The following IWS1 variants were observed in gnomAD, a reference collection of about 807,000 sequenced individuals.
IWS1 encodes the protein protein IWS1 homolog.
In IWS1, 27 loss-of-function variants were observed where a neutral mutation model predicts 86.7. The observed-to-expected ratio is 0.31, with a 90% CI of 0.23 to 0.43. IWS1 has a LOEUF of 0.43. Among genes scored for constraint, IWS1 ranks in the 20% least tolerant of loss-of-function variants. The probability of loss-of-function intolerance (pLI) is 1.00; values close to 1 mark genes in which losing one functional copy is unlikely to be tolerated. For synonymous variants in IWS1, 313 were observed against 335.1 expected (o/e 0.93, Z 0.72); for missense variants, 827 against 1,000.8 (o/e 0.83, Z 2.34).
At position 127,489,590 on chromosome 2, in the gene IWS1, A is replaced by G. The variant is rs1418497468; in HGVS notation, c.2159+242T>C. 3.7e-6 allele frequency: 2 copies of G among 538,922 alleles called. No individual in the cohort carries two copies. The highest frequency in any genetic ancestry group is 6.5e-6 in the Non-Finnish European group (2 of 305,790). 33.4% of individuals were successfully genotyped at this position (538,922 alleles called of 1,614,324 possible). On this transcript the variant is annotated intron_variant, in intron 11 of 13. Transcript: ENST00000295321. The surrounding 1 kb of genome is among the most constrained non-coding windows in gnomAD (Gnocchi z 4.8). ...TCAAGTGGATGGAACAACACAAGCA[A>G]TCAGTATCCTGAAACAGGCCCTGTT...
intron 7 of IWS1, among the ~76,000 whole-genome samples, 178 bp downstream of exon 7, chr2:127,495,820 T>G (rs1039525390): frequency 6.6e-6 from 1 of 152,220 alleles, no homozygotes; most frequent in African/African-American, 2.4e-5. Context: ...TTTCACTTTT[T>G]CTAAACGTGT....
chr2:127,518,139 A>G (rs1343328933), intron 2 of IWS1, among the ~76,000 whole-genome samples: 2 of 152,194 alleles, frequency 1.3e-5, no homozygotes, highest in African/African-American at 4.8e-5. Context: ...TCTAAAACCA[A>G]CTGTGGCGAT....
Position 127,489,253 on chromosome 2 carries a change from A to C in IWS1, c.2160-18T>G, listed in dbSNP as rs771715659. 3 of 1,598,938 alleles carry C rather than the reference A, an allele frequency of 1.9e-6. No homozygotes were observed. Among genetic ancestry groups the C allele is most frequent in the Non-Finnish European group, 2.6e-6 (3 of 1,167,770 alleles). On this transcript the variant is annotated intron_variant, in intron 11 of 13. Coordinates refer to ENST00000295321, the MANE Select transcript of IWS1 (RefSeq NM_017969.3). This position sits in a 1 kb window ranked among gnomAD's most constrained non-coding sequence, Gnocchi z 4.8. ...CACCAGTGCTGAAAAAAAAGTAAAC[A>C]AGGAGATACCAGGAATATTAGAACC...
Position 127,504,704 on chromosome 2 carries a change from C to T in IWS1, c.1199G>A (p.Ser400Asn). 1 of 1,604,646 alleles carries T rather than the reference C, an allele frequency of 6.2e-7. No homozygotes were observed. Among genetic ancestry groups the T allele is most frequent in the Non-Finnish European group, 8.5e-7 (1 of 1,175,898 alleles). Residue 400 changes from serine (S) to asparagine (N), a missense_variant, in exon 3 of 14, where the codon AGT becomes AAT. Coordinates refer to ENST00000295321, the MANE Select transcript of IWS1 (RefSeq NM_017969.3). Reference sequence around the variant, plus strand: ...CTTACATGCTTTCTCTTCATCTTCACTATCAGAAAGCACAGCAGCTTTTCT... The same window carrying T: ...CTTACATGCTTTCTCTTCATCTTCATTATCAGAAAGCACAGCAGCTTTTCT... ...AKRKAAVLSD[S>N]EDEEKASAKK... is the part of the protein sequence containing the mutation.
At chr2:127,520,519 T>TA (rs201535006) in intron 2 of IWS1, among the ~76,000 whole-genome samples, 60 of 151,350 alleles carry the variant, frequency 4.0e-4, no homozygotes, top group African/African-American at 5.6e-4. Context: ...CCATTACTTC[T>TA]AAAAAAAAAT....
intron 2 of IWS1, among the ~76,000 whole-genome samples, chr2:127,516,754 C>A (rs1166159197): frequency 6.6e-6 from 1 of 152,150 alleles, no homozygotes; most frequent in Non-Finnish European, 1.5e-5. Flanking sequence ...GCCACAAATA[C>A]ACCACTGCAC....
chr2:127,489,148 C>G lies in IWS1; in HGVS notation c.2216+31G>C, dbSNP rs1266823938. On this transcript the variant is annotated intron_variant, in intron 12 of 13. Coordinates refer to ENST00000295321, the MANE Select transcript of IWS1 (RefSeq NM_017969.3). This position sits in a 1 kb window ranked among gnomAD's most constrained non-coding sequence, Gnocchi z 4.8. ...AGCAAACGGAAATTCTCTATATAGT[C>G]TAGGAAGAAAAATTAACATTAAAAC... 3 of 1,530,144 alleles carry G rather than the reference C, an allele frequency of 2.0e-6. No homozygotes were observed. Among genetic ancestry groups the G allele is most frequent in the South Asian group, 2.3e-5 (2 of 87,998 alleles). 94.8% of individuals were successfully genotyped at this position (1,530,144 alleles called of 1,614,324 possible).
intron 7 of IWS1, among the ~76,000 whole-genome samples, chr2:127,495,618 T>C (rs1690473502): frequency 6.6e-6 from 1 of 152,194 alleles, no homozygotes; most frequent in African/African-American, 2.4e-5. Context: ...GTTGAGCAGA[T>C]TTTTAAAATG....
intron 13 of IWS1, among the ~76,000 whole-genome samples, chr2:127,481,661 C>A (rs1330772873): frequency 6.6e-6 from 1 of 152,152 alleles, no homozygotes; most frequent in Non-Finnish European, 1.5e-5. Flanking sequence ...GTGAAGTAAA[C>A]CCCTAAGTGC....
intron 8 of IWS1, 70 bp downstream of exon 8, chr2:127,494,802 A>C: frequency 2.5e-6 from 2 of 797,186 alleles, no homozygotes; most frequent in Non-Finnish European, 4.1e-6. Flanking sequence ...TTCCTAGAAC[A>C]CCAGTACATC....
intron 3 of IWS1, among the ~76,000 whole-genome samples, chr2:127,504,458 C>T (rs1691002774): frequency 6.6e-6 from 1 of 151,668 alleles, no homozygotes; most frequent in South Asian, 2.1e-4. Flanking sequence ...TGGTTTATCA[C>T]TTTGAGGCAG....
chr2:127,495,024 T>G, intron 7 of IWS1, 70 bp from the exon 8 acceptor site: 1 of 898,656 alleles, frequency 1.1e-6, no homozygotes, highest in Non-Finnish European at 1.7e-6. Flanking sequence ...TCACTGTAAT[T>G]CTGAACCTTA....
intron 6 of IWS1, among the ~76,000 whole-genome samples, chr2:127,497,476 T>A (rs977797296): frequency 2.0e-5 from 3 of 152,248 alleles, no homozygotes; most frequent in African/African-American, 7.2e-5. Flanking sequence ...CATGGAAAAC[T>A]ACAGGCTTGC....
rs1691065611 is a variant in IWS1 at position 127,505,218 on chromosome 2, G to A, written c.685C>T (p.Pro229Ser). Residue 229 changes from proline to serine, a missense_variant, in exon 3 of 14, where the codon CCC becomes TCC. Coordinates refer to ENST00000295321, the MANE Select transcript of IWS1 (RefSeq NM_017969.3). This position sits in a 1 kb window ranked among gnomAD's most constrained non-coding sequence, Gnocchi z 5.0. The stretch of plus-strand genomic sequence containing the variant: ...GAGTCACTGGCCTGGTGCCTTGGGG[G>A]TTCCTCACTTTCTGAATCACTGACC... ...PQVSDSESEE[P>S]PRHQASDSEN... 3 of 1,614,018 alleles carry A rather than the reference G, an allele frequency of 1.9e-6. No individual in the cohort carries two copies. Among genetic ancestry groups the A allele is most frequent in the Non-Finnish European group, 2.5e-6 (3 of 1,179,956 alleles).
rs773679472 is a variant in IWS1, at chr2:127,489,297, G to C, written c.2160-62C>G. ...TAGAACCTAATAACTCAGAAAAAGA[G>C]CAAACTAAAAATCAAACTTAGACCA... On this transcript the variant is annotated intron_variant, in intron 11 of 13. Coordinates refer to ENST00000295321, the MANE Select transcript of IWS1 (RefSeq NM_017969.3). This position sits in a 1 kb window ranked among gnomAD's most constrained non-coding sequence, Gnocchi z 4.8. 1.6e-6 allele frequency: 2 copies of C among 1,242,120 alleles called. No homozygotes were observed. Among genetic ancestry groups the C allele is most frequent in the Admixed American group, 2.0e-5 (1 of 50,170 alleles). 76.9% of individuals were successfully genotyped at this position (1,242,120 alleles called of 1,614,324 possible). A position where few individuals can be genotyped will look rare whatever the true frequency, so the allele number is the denominator to read the frequency against.
At chr2:127,498,785 A>T (rs1311476257) in intron 5 of IWS1, 1 of 152,218 alleles carries the variant, frequency 6.6e-6, no homozygotes, top group Non-Finnish European at 1.5e-5. Context: ...CAAAGATATC[A>T]AACATTGATA....
At chr2:127,503,669 A>AAAATAAATAAATAAATAAAT (rs3033265) in intron 3 of IWS1, 93 bp from the exon 4 acceptor site, 7 of 282,954 alleles carry the variant, frequency 2.5e-5, no homozygotes, top group African/African-American at 1.6e-4. Context: ...GTATACAGCA[A>AAAATAAATAAATAAATAAAT]AAATAAATAA....
chr2:127,508,173 C>T (rs181942731), intron 2 of IWS1, among the ~76,000 whole-genome samples: 109 of 152,284 alleles, frequency 7.2e-4, no homozygotes, highest in African/African-American at 2.5e-3. Context: ...ATGTCTACTA[C>T]GTGCAAGACA....
intron 13 of IWS1, chr2:127,486,163 C>T (rs1325531585): frequency 5.5e-6 from 1 of 181,210 alleles, no homozygotes; most frequent in Non-Finnish European, 1.2e-5. Flanking sequence ...TTGCTTAAAC[C>T]GTTGAAGAGA....
Sources: allele counts gnomAD v4.1 joint callset (sites outside exome capture counted in the v4.1 genomes callset), GRCh38; gene constraint gnomAD v4.1.1; non-coding constraint Gnocchi (gnomAD v3.1); transcripts MANE v1.5; gene names NCBI Gene and HGNC (gene_info 2026-07-23, HGNC 2026-07-21).